The following SEC31A variants were observed in gnomAD, a reference collection of about 807,000 sequenced individuals.
The protein encoded by SEC31A is protein transport protein Sec31A.
SEC31A carries 70 observed loss-of-function variants against 151.0 expected under a neutral mutation model. The observed-to-expected ratio is 0.46, with a 90% CI of 0.38 to 0.57. SEC31A has a LOEUF of 0.57. SEC31A is among the 20% of genes least tolerant of loss of function. The pLI is 0.00. For synonymous variants in SEC31A, 475 were observed against 505.9 expected (o/e 0.94, Z 0.82); for missense variants, 1,330 against 1,471.2 (o/e 0.90, Z 1.57).
chr4:82,867,395 G>A (rs1368254108), intron 8 of SEC31A, 79 bp from the exon 9 acceptor site: 3 of 1,208,430 alleles, frequency 2.5e-6, no homozygotes, highest in African/African-American at 1.5e-5. Context: ...AATTAATGTG[G>A]TCAACAAGTA....
chr4:82,861,000 A>G (rs916041992), intron 14 of SEC31A, among the ~76,000 whole-genome samples: 2 of 152,020 alleles, frequency 1.3e-5, no homozygotes, highest in African/African-American at 2.4e-5. Context: ...GAACTTGTTG[A>G]TTAATTTTCC....
chr4:82,853,406 T>C (rs1371405169), intron 18 of SEC31A, among the ~76,000 whole-genome samples, 164 bp downstream of exon 18: 1 of 152,174 alleles, frequency 6.6e-6, no homozygotes, highest in Admixed American at 6.5e-5. Context: ...TATCCTATCA[T>C]CTCAAACTTT....
intron 17 of SEC31A, among the ~76,000 whole-genome samples, 190 bp downstream of exon 17, chr4:82,854,712 TA>T (rs79298254): frequency 0.46 from 64,847 of 140,172 alleles, 16,622 homozygotes; most frequent in Admixed American, 0.6. Context: ...CTAGTAGATT[TA>T]AAAAAAAAAA....
chr4:82,824,508 G>T, intron 25 of SEC31A, 47 bp downstream of exon 25: 2 of 1,596,066 alleles, frequency 1.3e-6, no homozygotes, highest in South Asian at 1.1e-5. Flanking sequence ...CCTGGCCAAG[G>T]ATTCTTCTAA....
rs57974382 is a variant in SEC31A at position 82,882,401 on chromosome 4, C to CA, written c.-4-462dup. On this transcript the variant is annotated intron_variant, in intron 1 of 26. Coordinates refer to ENST00000395310, the MANE Select transcript of SEC31A (RefSeq NM_001077207.4). ...TGGGCGAGAGAGCAAGACTCTATCT[C>CA]AAAAAAAAAAAAAAAAAAAAAAAAA... is the stretch of plus-strand genomic sequence containing the variant. Among the ~76,000 whole-genome samples, 110 of 92,472 alleles carry CA rather than the reference C, an allele frequency of 1.2e-3. 13 individuals carry two copies. Among genetic ancestry groups the CA allele is most frequent in the African/African-American group, 5.0e-3 (97 of 19,406 alleles). 60.7% of individuals were successfully genotyped at this position (92,472 alleles called of 152,430 possible). A position where few individuals can be genotyped will look rare whatever the true frequency, so the allele number is the denominator to read the frequency against.
intron 16 of SEC31A, 110 bp from the exon 17 acceptor site, chr4:82,855,139 TGA>T (rs1732348281): frequency 2.2e-6 from 2 of 925,620 alleles, no homozygotes; most frequent in Non-Finnish European, 3.1e-6. Context: ...AGCAGCAAAA[TGA>T]AGTATAATTT....
At chr4:82,845,152 T>C (rs1192541362) in intron 20 of SEC31A, 2 of 1,230,728 alleles carry the variant, frequency 1.6e-6, no homozygotes, top group African/African-American at 3.0e-5. Flanking sequence ...TATAACTGTA[T>C]ATTTAGGTGA....
chr4:82,879,182 G>C (rs7655864), intron 3 of SEC31A, among the ~76,000 whole-genome samples: 71,816 of 151,868 alleles, frequency 0.47, 17,861 homozygotes, highest in East Asian at 0.74. Flanking sequence ...AAATATACTT[G>C]AGTTGTGTGT....
At chr4:82,887,181 T>C (rs1740921221) in intron 1 of SEC31A, among the ~76,000 whole-genome samples, 1 of 152,170 alleles carries the variant, frequency 6.6e-6, no homozygotes. Flanking sequence ...AAAATAGCTG[T>C]ATTATTAAAA....
intron 24 of SEC31A, among the ~76,000 whole-genome samples, chr4:82,826,248 ATAAT>A (rs1474669080): frequency 6.6e-6 from 1 of 152,320 alleles, no homozygotes; most frequent in African/African-American, 2.4e-5. Context: ...ATACAACTCT[ATAAT>A]TAATTTTTAT....
At chr4:82,835,384 C>T (rs565739872) in intron 22 of SEC31A, among the ~76,000 whole-genome samples, 2 of 152,308 alleles carry the variant, frequency 1.3e-5, no homozygotes, top group African/African-American at 4.8e-5. Context: ...AGGAAATAAT[C>T]CTCCCCTATC....
At chr4:82,837,057 T>A (rs961834092) in intron 22 of SEC31A, among the ~76,000 whole-genome samples, 1 of 150,742 alleles carries the variant, frequency 6.6e-6, no homozygotes, top group African/African-American at 2.4e-5. Flanking sequence ...ACCCACTATG[T>A]ACCCCAAAAA....
chr4:82,826,307 T>C (rs1724535918), intron 24 of SEC31A, among the ~76,000 whole-genome samples: 1 of 152,252 alleles, frequency 6.6e-6, no homozygotes, highest in Non-Finnish European at 1.5e-5. Context: ...CAAAATGTTT[T>C]TATAATGCAA....
At position 82,869,763 on chromosome 4, in the gene SEC31A, T is replaced by C. The variant is rs940855327; in HGVS notation, c.882+562A>G. On this transcript the variant is annotated intron_variant, in intron 8 of 26. Coordinates refer to ENST00000395310, the MANE Select transcript of SEC31A (RefSeq NM_001077207.4). The stretch of plus-strand genomic sequence containing the variant: ...AAAGGGCTTGTTTTAATTTTAACAA[T>C]ATAGATGAAAACTTATCGAAGACAC... Among the ~76,000 whole-genome samples, 8 of 152,280 alleles carry C rather than the reference T, an allele frequency of 5.3e-5. No homozygotes were observed. The East Asian group carries it at 1.4e-3, about 26-fold the overall frequency.
intron 22 of SEC31A, among the ~76,000 whole-genome samples, chr4:82,838,286 C>T (rs1727902668): frequency 6.6e-6 from 1 of 152,106 alleles, no homozygotes; most frequent in Non-Finnish European, 1.5e-5. Flanking sequence ...AGATTATATA[C>T]ATAAATTAAA....
chr4:82,823,319 CTATT>C (rs1560578510), intron 25 of SEC31A, among the ~76,000 whole-genome samples: 1 of 152,184 alleles, frequency 6.6e-6, no homozygotes, highest in South Asian at 2.1e-4. Context: ...TACAGCCTGT[CTATT>C]TAGAAGTGTG....
chr4:82,828,666 AGT>A (rs1725165411), intron 23 of SEC31A, among the ~76,000 whole-genome samples: 1 of 109,832 alleles, frequency 9.1e-6, no homozygotes, highest in African/African-American at 3.8e-5. Flanking sequence ...CAAAGACCAA[AGT>A]AACTCAAAAA....
At chr4:82,837,954 G>C (rs1157394551) in intron 22 of SEC31A, among the ~76,000 whole-genome samples, 1 of 152,180 alleles carries the variant, frequency 6.6e-6, no homozygotes, top group Non-Finnish European at 1.5e-5. Flanking sequence ...ATTTGAAATA[G>C]AGAATAGAGC....
At chr4:82,840,198 A>ATT (rs1728416704) in intron 22 of SEC31A, among the ~76,000 whole-genome samples, 1 of 152,220 alleles carries the variant, frequency 6.6e-6, no homozygotes, top group Non-Finnish European at 1.5e-5. Context: ...TAAGACTTAA[A>ATT]TAAGAAAACA....
Sources: allele counts gnomAD v4.1 joint callset (sites outside exome capture counted in the v4.1 genomes callset), GRCh38; gene constraint gnomAD v4.1.1; transcripts MANE v1.5; gene names NCBI Gene and HGNC (gene_info 2026-07-23, HGNC 2026-07-21).